ACYP2: variants seen among roughly 807,000 people sequenced by gnomAD.
ACYP2 encodes acylphosphatase-2.
A neutral mutation model predicts 11.2 loss-of-function variants in ACYP2; 12 were observed. The observed-to-expected ratio is 1.08, with a 90% CI of 0.69 to 1.74. The LOEUF is 1.74. ACYP2 is among the 40% of genes most tolerant of loss of function. ACYP2 has a pLI of 0.00. For synonymous variants in ACYP2, 43 were observed against 32.2 expected (o/e 1.33, Z -1.13); for missense variants, 134 against 101.9 (o/e 1.31, Z -1.35).
intron 6 of ACYP2, among the ~76,000 whole-genome samples, chr2:54,245,959 T>C (rs1686931427): frequency 2.0e-5 from 3 of 152,154 alleles, no homozygotes; most frequent in African/African-American, 4.8e-5. Context: ...TTTTCTCCTA[T>C]GTTTTTCTCT....
At chr2:54,021,101 A>G (rs1673986111) in intron 2 of ACYP2, among the ~76,000 whole-genome samples, 1 of 152,134 alleles carries the variant, frequency 6.6e-6, no homozygotes, top group African/African-American at 2.4e-5. Context: ...TCTCTTGGCT[A>G]GGGTTGAACC....
intron 6 of ACYP2, among the ~76,000 whole-genome samples, chr2:54,280,535 A>G (rs147725103): frequency 6.6e-6 from 1 of 152,342 alleles, no homozygotes; most frequent in East Asian, 1.9e-4. Flanking sequence ...GAGATCACCA[A>G]AAGGATTGAA....
intron 1 of ACYP2, among the ~76,000 whole-genome samples, chr2:53,972,830 C>T (rs1026399073): frequency 6.6e-6 from 1 of 152,152 alleles, no homozygotes. Flanking sequence ...AAGTCCTTCA[C>T]TGAGATAAAG....
At chr2:54,115,653 G>A (rs1436616048) in intron 4 of ACYP2, 3 of 1,593,812 alleles carry the variant, frequency 1.9e-6, no homozygotes, top group Admixed American at 1.8e-5. Context: ...CAGTCGCTGC[G>A]CCCCGAGCCC....
rs1016554901 is a variant in ACYP2, at chr2:54,304,771, T to C, written c.488T>C (p.Leu163Pro). 2 of 1,610,192 alleles carry C rather than the reference T, an allele frequency of 1.2e-6. 1 individual carries two copies. Residue 163 changes from leucine to proline, a missense_variant, in exon 7 of 7, where the codon CTT becomes CCT. Coordinates refer to ENST00000607452, the MANE Select transcript of ACYP2 (RefSeq NM_001320586.2). ...TCTAATGAAAAAACCATCTCTAAGC[T>C]TGAATACTCTAATTTTAGTATTAGA...
intron 6 of ACYP2, among the ~76,000 whole-genome samples, chr2:54,265,820 C>T (rs1687992730): frequency 6.6e-6 from 1 of 152,174 alleles, no homozygotes; most frequent in African/African-American, 2.4e-5. Context: ...GCCTACCTCC[C>T]AGAATTGTTG....
intron 6 of ACYP2, among the ~76,000 whole-genome samples, chr2:54,215,294 A>T (rs1396624365): frequency 1.3e-5 from 2 of 152,034 alleles, no homozygotes; most frequent in Non-Finnish European, 2.9e-5. Context: ...GTTGAATAGG[A>T]ATGGTGAGAG....
At chr2:54,098,372 G>C (rs1572748272) in intron 4 of ACYP2, among the ~76,000 whole-genome samples, 1 of 152,258 alleles carries the variant, frequency 6.6e-6, no homozygotes, top group East Asian at 1.9e-4. Context: ...CGTTGAATTT[G>C]ATTGTTTCAT....
At chr2:54,006,123 A>C (rs1673051263) in intron 2 of ACYP2, among the ~76,000 whole-genome samples, 1 of 152,084 alleles carries the variant, frequency 6.6e-6, no homozygotes, top group African/African-American at 2.4e-5. Context: ...AGCTGGGACT[A>C]CAGGTATGCA....
At chr2:54,224,836 G>C (rs1685942499) in intron 6 of ACYP2, among the ~76,000 whole-genome samples, 1 of 152,112 alleles carries the variant, frequency 6.6e-6, no homozygotes, top group Admixed American at 6.5e-5. Context: ...AACGTTGTAA[G>C]GTTTAGATGA....
chr2:54,215,116 G>A (rs1308548897), intron 6 of ACYP2, among the ~76,000 whole-genome samples: 2 of 152,246 alleles, frequency 1.3e-5, no homozygotes, highest in Non-Finnish European at 2.9e-5. Context: ...CTGAAACTTC[G>A]AAGTTGTTTA....
chr2:54,018,633 C>T (rs954509495), intron 2 of ACYP2, among the ~76,000 whole-genome samples: 33 of 151,972 alleles, frequency 2.2e-4, no homozygotes, highest in Admixed American at 9.8e-4. Flanking sequence ...GACAACATAG[C>T]GGGACCCCTT....
At chr2:54,142,801 A>G (rs773616617) in intron 6 of ACYP2, 1 of 152,166 alleles carries the variant, frequency 6.6e-6, no homozygotes, top group Non-Finnish European at 1.5e-5. Context: ...GAACACACAG[A>G]TGTTGTTCCA....
chr2:54,232,581 G>A (rs1686284376), intron 6 of ACYP2, among the ~76,000 whole-genome samples: 1 of 152,102 alleles, frequency 6.6e-6, no homozygotes, highest in Non-Finnish European at 1.5e-5. Flanking sequence ...AAAGGAAATG[G>A]GTATTAGTCC....
chr2:54,255,927 G>T (rs918854657), intron 6 of ACYP2: 1 of 1,614,086 alleles, frequency 6.2e-7, no homozygotes. Context: ...GACCCGCATC[G>T]ACCAAGATGT....
intron 6 of ACYP2, among the ~76,000 whole-genome samples, chr2:54,243,448 G>A (rs1231867551): frequency 6.6e-6 from 1 of 152,126 alleles, no homozygotes; most frequent in Non-Finnish European, 1.5e-5. Context: ...AATCCTATGG[G>A]ACCATTGTCA....
intron 2 of ACYP2, among the ~76,000 whole-genome samples, chr2:54,004,106 C>T (rs962986933): frequency 6.6e-6 from 1 of 152,030 alleles, no homozygotes; most frequent in African/African-American, 2.4e-5. Context: ...GACTCAGCCT[C>T]CCGAGCAGCT....
At chr2:54,270,027 A>C (rs1688211997) in intron 6 of ACYP2, among the ~76,000 whole-genome samples, 1 of 152,114 alleles carries the variant, frequency 6.6e-6, no homozygotes, top group African/African-American at 2.4e-5. Context: ...ATTTACTTAA[A>C]TTTCTTCATA....
intron 6 of ACYP2, chr2:54,253,767 T>C (rs1687347939): frequency 6.6e-6 from 1 of 152,210 alleles, no homozygotes; most frequent in South Asian, 2.1e-4. Context: ...TACAGCTCTG[T>C]AGTCCTTTAA....
Sources: gnomAD v4.1 joint callset for allele counts (sites outside exome capture counted in the v4.1 genomes callset) on GRCh38, gnomAD v4.1.1 for gene constraint, MANE v1.5 for transcripts, NCBI Gene and HGNC (gene_info 2026-07-23, HGNC 2026-07-21) for gene names.